SLC44A3: variants seen among roughly 807,000 people sequenced by gnomAD.
SLC44A3 encodes choline transporter-like protein 3.
In SLC44A3, 74 loss-of-function variants were observed where a neutral mutation model predicts 75.4. The ratio of observed to expected loss-of-function variants is 0.98; its 90% CI spans 0.81 to 1.19. The LOEUF is 1.19. SLC44A3 is among the 50% of genes most tolerant of loss of function. The probability of loss-of-function intolerance (pLI) is 0.00; values close to 1 mark genes in which losing one functional copy is unlikely to be tolerated. For missense variants in SLC44A3, 700 were observed against 778.6 expected, an observed-to-expected ratio of 0.90 and a Z score of 1.20; for synonymous variants, 310 against 296.9, an observed-to-expected ratio of 1.04 and a Z score of -0.45.
At chr1:94,891,787 G>A (rs1213795025) in intron 13 of SLC44A3, among the ~76,000 whole-genome samples, 1 of 152,066 alleles carries the variant, frequency 6.6e-6, no homozygotes, top group Non-Finnish European at 1.5e-5. Flanking sequence ...GCCGGGTGTG[G>A]TGGCGGGTGC....
chr1:94,864,508 C>T (rs1174328822), intron 10 of SLC44A3, among the ~76,000 whole-genome samples: 1 of 152,150 alleles, frequency 6.6e-6, no homozygotes, highest in East Asian at 1.9e-4. Flanking sequence ...TTTTTTAACT[C>T]ATCAATTTTT....
rs1186192411 is a variant in SLC44A3 at position 94,892,510 on chromosome 1, A to G, written c.1850A>G (p.Glu617Gly). Residue 617 changes from glutamate to glycine, a missense_variant, in exon 14 of 15, where the codon GAA becomes GGA. Glu to Gly is a moderately conservative substitution (Grantham distance 98). Coordinates refer to ENST00000271227, the MANE Select transcript of SLC44A3 (RefSeq NM_001114106.3). ...SSEKPYFMDQ[E>G]FLSFVKRSNK... is the part of the protein sequence containing the mutation. ...GAAAAGCCCTACTTTATGGATCAAG[A>G]ATTTCTGGTAAGCAAACATTTCATT... 6.2e-7 allele frequency: 1 copy of G among 1,613,260 alleles called. No homozygotes were observed. Among genetic ancestry groups the G allele is most frequent in the Non-Finnish European group, 8.5e-7 (1 of 1,179,768 alleles).
intron 12 of SLC44A3, 52 bp downstream of exon 12, chr1:94,867,469 C>A: frequency 6.9e-7 from 1 of 1,458,658 alleles, no homozygotes; most frequent in South Asian, 1.3e-5. Context: ...CAAAGGTGGG[C>A]TTCATCTCTT....
At chr1:94,862,510 C>T (rs770904873) in intron 10 of SLC44A3, among the ~76,000 whole-genome samples, 16 of 152,190 alleles carry the variant, frequency 1.1e-4, no homozygotes, top group Non-Finnish European at 1.9e-4. Context: ...CCATTAAACC[C>T]TTTGCCCCAC....
At chr1:94,882,528 T>C (rs1038728570) in intron 12 of SLC44A3, among the ~76,000 whole-genome samples, 1 of 152,166 alleles carries the variant, frequency 6.6e-6, no homozygotes, top group Non-Finnish European at 1.5e-5. Flanking sequence ...CCACTGATTA[T>C]GCACAGGTCA....
At chr1:94,858,906 G>T (rs1193522083) in intron 10 of SLC44A3, among the ~76,000 whole-genome samples, 1 of 152,104 alleles carries the variant, frequency 6.6e-6, no homozygotes, top group African/African-American at 2.4e-5. Flanking sequence ...TGGCCAGGAT[G>T]GTCTCGATCT....
chr1:94,834,530 G>A (rs1218923972), intron 5 of SLC44A3, among the ~76,000 whole-genome samples: 1 of 152,038 alleles, frequency 6.6e-6, no homozygotes, highest in African/African-American at 2.4e-5. Flanking sequence ...TGTTGCCCAG[G>A]CTGGAGTGTA....
chr1:94,880,448 C>T (rs929648033), intron 12 of SLC44A3, among the ~76,000 whole-genome samples: 2 of 152,164 alleles, frequency 1.3e-5, no homozygotes. Flanking sequence ...CACAAAAGGA[C>T]GAATACTGTA....
intron 12 of SLC44A3, among the ~76,000 whole-genome samples, chr1:94,886,555 G>C (rs917189545): frequency 2.6e-5 from 4 of 152,110 alleles, no homozygotes; most frequent in Non-Finnish European, 5.9e-5. Context: ...GGGCCAGCTC[G>C]TATGCCACTT....
intron 12 of SLC44A3, among the ~76,000 whole-genome samples, chr1:94,871,878 C>A (rs1359796033): frequency 6.6e-6 from 1 of 152,164 alleles, no homozygotes; most frequent in Non-Finnish European, 1.5e-5. Flanking sequence ...AACATAGTTT[C>A]TTAAGGACTC....
In SLC44A3 at chr1:94,864,879, C is replaced by G; in HGVS notation, c.1375C>G (p.Gln459Glu). The change falls in exon 11 of 15, where the codon CAA becomes GAA. Residue 459 changes from glutamine (Q) to glutamate (E), a missense_variant. Gln to Glu is a conservative substitution (Grantham distance 29). Coordinates refer to ENST00000271227, the MANE Select transcript of SLC44A3 (RefSeq NM_001114106.3). ...TCCGAGAATCATTGTCATGTACATG[C>G]AAAACGCACTGAAAGAACAGGTAAG... ...RIPRIIVMYM[Q>E]NALKEQQHGA... The G allele has an allele frequency of 6.2e-7, 1 of 1,613,708 alleles. No homozygotes were observed. The highest frequency in any genetic ancestry group is 8.5e-7 in the Non-Finnish European group (1 of 1,179,806).
intron 5 of SLC44A3, among the ~76,000 whole-genome samples, chr1:94,834,854 A>G (rs1359748435): frequency 1.3e-5 from 2 of 152,194 alleles, no homozygotes; most frequent in Non-Finnish European, 1.5e-5. Context: ...GGCTAGGCTT[A>G]GTGACTCATT....
In SLC44A3 at chr1:94,875,279, T is replaced by C. The variant is rs566872900; in HGVS notation, c.1482+7862T>C. On this transcript the variant is annotated intron_variant, in intron 12 of 14. Transcript: ENST00000271227. Reference sequence around the variant, plus strand: ...CCACAGAAACCCAAAGCCAGGGAAATCAAGACTAGCGCCACAATGGGATTT... The same window carrying C: ...CCACAGAAACCCAAAGCCAGGGAAACCAAGACTAGCGCCACAATGGGATTT... 3.3e-5 allele frequency among the ~76,000 whole-genome samples: 5 copies of C among 152,258 alleles called. No individual in the cohort carries two copies. The East Asian group carries it at 9.6e-4, about 29-fold the overall frequency.
chr1:94,845,533 G>T (rs1664297291), intron 9 of SLC44A3, 69 bp downstream of exon 9: 2 of 1,460,892 alleles, frequency 1.4e-6, no homozygotes, highest in African/African-American at 1.4e-5. Flanking sequence ...GGAACCACTG[G>T]CCTGTTTCTG....
chr1:94,881,844 C>G lies in SLC44A3; in HGVS notation c.1483-9286C>G, dbSNP rs572636903. On this transcript the variant is annotated intron_variant, in intron 12 of 14. Transcript: ENST00000271227. ...TGGCCAACATGGTGAAACCCCGTCT[C>G]TACTAAAAATACAAAAAAAAAAAAA... is the stretch of plus-strand genomic sequence containing the variant. 1.9e-4 allele frequency among the ~76,000 whole-genome samples: 24 copies of G among 127,926 alleles called. No homozygotes were observed. The South Asian group carries it at 6.6e-3, about 35-fold the overall frequency. The allele number at this position is 127,926 out of a possible 152,430, so 83.9% of individuals were successfully genotyped here.
intron 10 of SLC44A3, among the ~76,000 whole-genome samples, chr1:94,858,232 C>T (rs1666143176): frequency 6.6e-6 from 1 of 152,004 alleles, no homozygotes; most frequent in African/African-American, 2.4e-5. Context: ...ATTCTGTGAG[C>T]CTCAGTTTGT....
Position 94,844,280 on chromosome 1 carries a change from A to G in SLC44A3, c.886-998A>G, listed in dbSNP as rs545932155. Among the ~76,000 whole-genome samples, 7 of 152,334 alleles carry G rather than the reference A, an allele frequency of 4.6e-5. No individual in the cohort carries two copies. The East Asian group carries it at 1.3e-3, about 29-fold the overall frequency. On this transcript the variant is annotated intron_variant, in intron 8 of 14. Transcript: ENST00000271227. ...GAAGAGGAGGTTCTAGTATGAAGAT[A>G]ATGAATTTGATTCAGGATAAATTGA...
At chr1:94,861,934 T>A (rs1323098620) in intron 10 of SLC44A3, among the ~76,000 whole-genome samples, 3 of 152,168 alleles carry the variant, frequency 2.0e-5, no homozygotes, top group Non-Finnish European at 4.4e-5. Context: ...GACTTCATCA[T>A]CATTTTCAAA....
intron 12 of SLC44A3, among the ~76,000 whole-genome samples, chr1:94,886,606 T>A (rs1450373452): frequency 6.6e-6 from 1 of 151,892 alleles, no homozygotes; most frequent in East Asian, 1.9e-4. Context: ...GGCCCTCTCT[T>A]CCCCTCTCCC....
Sources: allele counts gnomAD v4.1 joint callset (sites outside exome capture counted in the v4.1 genomes callset), GRCh38; gene constraint gnomAD v4.1.1; transcripts MANE v1.5; gene names NCBI Gene and HGNC (gene_info 2026-07-23, HGNC 2026-07-21).